Variants in CNTNAP2 observed in about 807,000 individuals in gnomAD.
CNTNAP2 encodes contactin-associated protein-like 2.
A neutral mutation model predicts 155.2 loss-of-function variants in CNTNAP2; 98 were observed. That is an observed-to-expected ratio of 0.63 (90% CI 0.54 to 0.75). The LOEUF (loss-of-function observed/expected upper bound fraction) is 0.75, where lower values mean the gene tolerates loss of function less well. Ranked by LOEUF, CNTNAP2 falls within the 30% of genes least tolerant of loss-of-function variation. CNTNAP2 has a pLI of 0.00. For missense variants in CNTNAP2, 1,727 were observed against 1,688.1 expected, an observed-to-expected ratio of 1.02 and a Z score of -0.40; for synonymous variants, 651 against 631.2, an observed-to-expected ratio of 1.03 and a Z score of -0.47.
intron 16 of CNTNAP2, among the ~76,000 whole-genome samples, chr7:148,142,093 C>CTGTGTGTGTG (rs71527881): frequency 0.05 from 6,875 of 136,154 alleles, 171 homozygotes; most frequent in African/African-American, 0.093. Context: ...AGATATGTCT[C>CTGTGTGTGTG]TGTGTGTGTG....
At position 146,486,104 on chromosome 7, in the gene CNTNAP2, G is replaced by A. The variant is rs1379972101; in HGVS notation, c.98-288167G>A. 4.4e-5 allele frequency among the ~76,000 whole-genome samples: 5 copies of A among 113,330 alleles called. No individual in the cohort carries two copies. In the East Asian group the frequency reaches 1.2e-3, roughly 27 times the overall value. The allele number at this position is 113,330 out of a possible 152,430, so 74.3% of individuals were successfully genotyped here. A position where few individuals can be genotyped will look rare whatever the true frequency, so the allele number is the denominator to read the frequency against. On this transcript the variant is annotated intron_variant, in intron 1 of 23. Coordinates refer to ENST00000361727, the MANE Select transcript of CNTNAP2 (RefSeq NM_014141.6). ...TTTTGAGACAGAGTTTCGCTGTGTC[G>A]CCCAGGCTGGAGTGCAGTGGCACGA...
intron 11 of CNTNAP2, among the ~76,000 whole-genome samples, chr7:147,504,697 AAAAAC>A (rs1562970353): frequency 1.7e-5 from 2 of 118,414 alleles, no homozygotes. Flanking sequence ...TTAAAAAAAA[AAAAAC>A]AAAAAACCTC....
chr7:147,152,568 A>G (rs1405574703), intron 8 of CNTNAP2, among the ~76,000 whole-genome samples: 1 of 152,116 alleles, frequency 6.6e-6, no homozygotes, highest in African/African-American at 2.4e-5. Flanking sequence ...TGATCTTGGT[A>G]GTACGAAAAC....
intron 12 of CNTNAP2, among the ~76,000 whole-genome samples, chr7:147,635,259 A>G (rs899421794): frequency 2.5e-4 from 37 of 150,426 alleles, no homozygotes; most frequent in Non-Finnish European, 1.3e-4. Flanking sequence ...ATGGAAGAAT[A>G]TAAGCTCCAA....
At chr7:147,955,771 T>C (rs77731692) in intron 14 of CNTNAP2, among the ~76,000 whole-genome samples, 5,663 of 152,210 alleles carry the variant, frequency 0.037, 161 homozygotes, top group South Asian at 0.13. Context: ...AACTGAGATA[T>C]GGACAAAAGA....
At chr7:146,693,110 T>C (rs1388321410) in intron 1 of CNTNAP2, among the ~76,000 whole-genome samples, 2 of 152,084 alleles carry the variant, frequency 1.3e-5, no homozygotes, top group African/African-American at 2.4e-5. Flanking sequence ...AGCTATAAAA[T>C]GGAGACGATA....
At chr7:146,761,801 C>CA (rs1370753035) in intron 1 of CNTNAP2, among the ~76,000 whole-genome samples, 2 of 149,514 alleles carry the variant, frequency 1.3e-5, no homozygotes, top group African/African-American at 5.0e-5. Flanking sequence ...CTCTAGAAGA[C>CA]AAGCCTTCTA....
At chr7:148,382,174 T>C (rs1637848) in intron 21 of CNTNAP2, among the ~76,000 whole-genome samples, 108,738 of 152,146 alleles carry the variant, frequency 0.71, 40,015 homozygotes, top group Admixed American at 0.81. Flanking sequence ...AGCCCCAGCT[T>C]CTGGCTGCTC....
At chr7:146,308,420 C>T (rs986669100) in intron 1 of CNTNAP2, among the ~76,000 whole-genome samples, 2 of 152,112 alleles carry the variant, frequency 1.3e-5, no homozygotes, top group Non-Finnish European at 2.9e-5. Context: ...GACAGTGTGG[C>T]GATTCCTCAG....
chr7:146,861,480 A>G (rs939914090), intron 3 of CNTNAP2, among the ~76,000 whole-genome samples: 1 of 152,192 alleles, frequency 6.6e-6, no homozygotes, highest in African/African-American at 2.4e-5. Flanking sequence ...TTTAGTGAAG[A>G]ATAAAGTATT....
intron 13 of CNTNAP2, among the ~76,000 whole-genome samples, chr7:147,818,464 A>G (rs559734234): frequency 6.6e-6 from 1 of 152,298 alleles, no homozygotes; most frequent in East Asian, 1.9e-4. Context: ...CATCAGTCTT[A>G]GAAGACTGAT....
chr7:146,215,173 T>C (rs1418850058), intron 1 of CNTNAP2, among the ~76,000 whole-genome samples: 2 of 152,188 alleles, frequency 1.3e-5, no homozygotes, highest in Non-Finnish European at 2.9e-5. Flanking sequence ...ATTTTGACAG[T>C]AAGAGGAAAC....
At chr7:146,601,546 T>C (rs347185) in intron 1 of CNTNAP2, among the ~76,000 whole-genome samples, 58,262 of 151,904 alleles carry the variant, frequency 0.38, 12,238 homozygotes, top group South Asian at 0.51. Flanking sequence ...CCTATATCAA[T>C]CCATATTTAT....
intron 1 of CNTNAP2, among the ~76,000 whole-genome samples, chr7:146,163,893 G>A (rs1015631478): frequency 2.6e-5 from 4 of 152,124 alleles, no homozygotes; most frequent in Non-Finnish European, 4.4e-5. Context: ...TTTAGTAAGT[G>A]TTCCAGACCC....
chr7:146,882,950 T>A lies in CNTNAP2; in HGVS notation c.402+43046T>A, dbSNP rs139312724. Among the ~76,000 whole-genome samples, 144 of 152,302 alleles carry A rather than the reference T, an allele frequency of 9.5e-4. 1 individual carries two copies. The highest frequency in any genetic ancestry group is 3.1e-3 in the African/African-American group (131 of 41,588). On this transcript the variant is annotated intron_variant, in intron 3 of 23. Coordinates refer to ENST00000361727, the MANE Select transcript of CNTNAP2 (RefSeq NM_014141.6). ...TGCAAATAAATGGAAAAATATTCCA[T>A]GTTCATGGATTGAATCAATATTGTT...
At chr7:147,299,941 G>A (rs1352314586) in intron 8 of CNTNAP2, among the ~76,000 whole-genome samples, 200 bp from the exon 9 acceptor site, 3 of 152,102 alleles carry the variant, frequency 2.0e-5, no homozygotes, top group African/African-American at 7.2e-5. Context: ...GTTATATTAT[G>A]CCTTATTCAG....
At chr7:146,592,750 A>G (rs550347866) in intron 1 of CNTNAP2, among the ~76,000 whole-genome samples, 60 of 152,136 alleles carry the variant, frequency 3.9e-4, no homozygotes, top group Non-Finnish European at 7.5e-4. Flanking sequence ...TATTAACTTC[A>G]ATAAGGATGG....
intron 15 of CNTNAP2, among the ~76,000 whole-genome samples, chr7:148,056,141 A>G (rs1163133176): frequency 6.6e-6 from 1 of 152,190 alleles, no homozygotes; most frequent in Non-Finnish European, 1.5e-5. Context: ...TAGCATACTC[A>G]TTGAGAAGGG....
chr7:146,175,451 C>G (rs1798456629), intron 1 of CNTNAP2, among the ~76,000 whole-genome samples: 1 of 152,074 alleles, frequency 6.6e-6, no homozygotes, highest in Admixed American at 6.5e-5. Flanking sequence ...TAAGGTGGGG[C>G]TGTTCAGTTG....
Sources: allele counts gnomAD v4.1 joint callset (sites outside exome capture counted in the v4.1 genomes callset), GRCh38; gene constraint gnomAD v4.1.1; transcripts MANE v1.5; gene names NCBI Gene and HGNC (gene_info 2026-07-23, HGNC 2026-07-21).